Variants in AKAP10 observed in about 807,000 individuals in gnomAD.
The protein encoded by AKAP10 is A-kinase anchor protein 10, mitochondrial.
Under a neutral mutation model 80.8 loss-of-function variants are expected in AKAP10, and 24 were observed. The ratio of observed to expected loss-of-function variants is 0.30; its 90% CI spans 0.22 to 0.42. AKAP10 has a LOEUF of 0.42. Among genes scored for constraint, AKAP10 ranks in the 10% least tolerant of loss-of-function variants. AKAP10 has a pLI of 1.00. For synonymous variants in AKAP10, 291 were observed against 277.7 expected, an observed-to-expected ratio of 1.05 and a Z score of -0.48; for missense variants, 661 against 794.9, an observed-to-expected ratio of 0.83 and a Z score of 2.03.
chr17:19,946,259 ATATATATATATATATATTTT>A (rs2043122287), intron 5 of AKAP10, among the ~76,000 whole-genome samples: 2 of 23,932 alleles, frequency 8.4e-5, no homozygotes, highest in African/African-American at 3.5e-4. Flanking sequence ...ATATATATAT[ATATATATATATATATATTTT>A]TTTTTTTTTT....
At chr17:19,974,044 T>C (rs2043533056) in intron 1 of AKAP10, among the ~76,000 whole-genome samples, 1 of 151,976 alleles carries the variant, frequency 6.6e-6, no homozygotes. Flanking sequence ...CTCCAAAAAT[T>C]AGCTGGTCAT....
At chr17:19,932,923 A>G (rs994892550) in intron 9 of AKAP10, among the ~76,000 whole-genome samples, 1 of 152,172 alleles carries the variant, frequency 6.6e-6, no homozygotes, top group Non-Finnish European at 1.5e-5. Flanking sequence ...TCTACGAAGG[A>G]AAAGTTTGTA....
intron 3 of AKAP10, 149 bp from the exon 4 acceptor site, chr17:19,958,720 T>G (rs1036790270): frequency 1.1e-5 from 7 of 650,868 alleles, no homozygotes; most frequent in Admixed American, 1.0e-4. Context: ...AAACTACAAA[T>G]ACTATGCTTT....
chr17:19,977,797 C>T lies in AKAP10; in HGVS notation c.-118G>A, dbSNP rs1311255384. ...CGGGATGCCCAGGCAGCTCCAGCCG[C>T]CATATTATCAACAAGCCGCCCGCCC... On this transcript the variant is annotated 5_prime_UTR_variant, in exon 1 of 15. Coordinates refer to ENST00000225737, the MANE Select transcript of AKAP10 (RefSeq NM_007202.4). The T allele has an allele frequency of 7.1e-6, 4 of 561,092 alleles. No individual in the cohort carries two copies. Among genetic ancestry groups the T allele is most frequent in the Non-Finnish European group, 1.1e-5 (4 of 373,858 alleles). The allele number at this position is 561,092 out of a possible 1,614,324, so 34.8% of individuals were successfully genotyped here.
At chr17:19,935,227 T>C (rs559239269) in intron 9 of AKAP10, among the ~76,000 whole-genome samples, 2 of 152,292 alleles carry the variant, frequency 1.3e-5, no homozygotes, top group African/African-American at 4.8e-5. Flanking sequence ...TAAGAATTTG[T>C]GTATTTAAAC....
Position 19,931,913 on chromosome 17 carries a change from C to A in AKAP10, c.1533G>T (p.Ser511=), listed in dbSNP as rs763524206. The change falls in exon 10 of 15, where the codon TCG becomes TCT. Residue 511 remains serine, a synonymous_variant. Transcript: ENST00000225737. ...YYKYLNDLIH[S]VRGDEFLGGN... ...CGCCCAGAAATTCATCTCCTCGAAC[C>A]GAATGGATGAGATCATTCAAATATT... The A allele has an allele frequency of 6.2e-7, 1 of 1,613,828 alleles. No individual in the cohort carries two copies. The highest frequency in any genetic ancestry group is 8.5e-7 in the Non-Finnish European group (1 of 1,179,964).
intron 10 of AKAP10, among the ~76,000 whole-genome samples, chr17:19,931,000 T>G (rs2042926110): frequency 6.6e-6 from 1 of 152,046 alleles, no homozygotes; most frequent in South Asian, 2.1e-4. Flanking sequence ...TGAACCATCA[T>G]GCCTGGCCAA....
chr17:19,915,912 C>A (rs1274892227), intron 12 of AKAP10, among the ~76,000 whole-genome samples: 3 of 152,218 alleles, frequency 2.0e-5, no homozygotes, highest in African/African-American at 2.4e-5. Context: ...TAAATCCCAT[C>A]ATTTCCCTGC....
At chr17:19,933,033 T>C (rs1306548745) in intron 9 of AKAP10, among the ~76,000 whole-genome samples, 2 of 152,180 alleles carry the variant, frequency 1.3e-5, no homozygotes, top group Non-Finnish European at 2.9e-5. Flanking sequence ...TTTTTGTTTT[T>C]TTGAGACGTA....
chr17:19,975,304 C>G (rs2043550839), intron 1 of AKAP10, among the ~76,000 whole-genome samples: 2 of 152,226 alleles, frequency 1.3e-5, no homozygotes, highest in East Asian at 3.8e-4. Flanking sequence ...CAGATATGAA[C>G]CACCATGTTT....
At position 19,958,451 on chromosome 17, in the gene AKAP10, C is replaced by T. The variant is rs758418690; in HGVS notation, c.440G>A (p.Arg147Gln). Residue 147 changes from arginine to glutamine, a missense_variant, in exon 4 of 15, where the codon CGA (arginine) becomes CAA (glutamine). Coordinates refer to ENST00000225737, the MANE Select transcript of AKAP10 (RefSeq NM_007202.4). ...CCAAAATTTCACCAAATGCTCCATT[C>T]GCCGAAGTTCCATGAATTGAATGAA... ...PYFIQFMELR[R>Q]MEHLVKFWLE... The T allele has an allele frequency of 1.7e-5, 28 of 1,614,006 alleles. No homozygotes were observed. The highest frequency in any genetic ancestry group is 2.3e-5 in the Non-Finnish European group (27 of 1,180,052).
chr17:19,941,967 A>G, intron 5 of AKAP10, 57 bp from the exon 6 acceptor site: 1 of 1,504,490 alleles, frequency 6.6e-7, no homozygotes, highest in South Asian at 1.2e-5. Flanking sequence ...ATGTATACAC[A>G]CTTGTGAATC....
At chr17:19,949,243 C>T (rs2152416153) in intron 4 of AKAP10, among the ~76,000 whole-genome samples, 1 of 151,746 alleles carries the variant, frequency 6.6e-6, no homozygotes, top group Non-Finnish European at 1.5e-5. Flanking sequence ...AACTAAAAAA[C>T]ATAATAAACA....
In AKAP10 at chr17:19,940,929, A is replaced by G; in HGVS notation, c.1143T>C (p.Ala381=). The change falls in exon 7 of 15, where the codon GCT becomes GCC. Residue 381 remains alanine (A), a synonymous_variant. Transcript: ENST00000225737. ...GGGCTGACTCACAGAAGAGAATGTC[A>G]GCCAGGTAAACAGTTCCACTGGTCA... The part of the protein sequence containing the change: ...EVLTSGTVYL[A]DILFCESALF... The G allele has an allele frequency of 6.2e-7, 1 of 1,610,110 alleles. No individual in the cohort carries two copies. Among genetic ancestry groups the G allele is most frequent in the Non-Finnish European group, 8.5e-7 (1 of 1,179,000 alleles).
chr17:19,970,848 T>A (rs1382889826), intron 1 of AKAP10, among the ~76,000 whole-genome samples: 2 of 151,884 alleles, frequency 1.3e-5, no homozygotes, highest in Non-Finnish European at 2.9e-5. Context: ...AATAAATAAA[T>A]AAAGACATTT....
At chr17:19,944,467 C>T (rs745586162) in intron 5 of AKAP10, among the ~76,000 whole-genome samples, 4 of 151,908 alleles carry the variant, frequency 2.6e-5, no homozygotes, top group African/African-American at 9.7e-5. Context: ...CTGGCCAACA[C>T]GGTGAAACCC....
intron 9 of AKAP10, among the ~76,000 whole-genome samples, chr17:19,933,895 A>G (rs992192181): frequency 1.3e-5 from 2 of 152,138 alleles, no homozygotes; most frequent in African/African-American, 4.8e-5. Flanking sequence ...TCATTCACAA[A>G]CATCAATACT....
intron 10 of AKAP10, among the ~76,000 whole-genome samples, chr17:19,927,281 C>G (rs2042884859): frequency 6.6e-6 from 1 of 152,102 alleles, no homozygotes; most frequent in Non-Finnish European, 1.5e-5. Flanking sequence ...TGGCAGTGAG[C>G]TGTGATTGTG....
In AKAP10 at chr17:19,906,082, G is replaced by A; in HGVS notation, c.*145C>T. 1.2e-6 allele frequency: 1 copy of A among 841,102 alleles called. No homozygotes were observed. The highest frequency in any genetic ancestry group is 2.6e-5 in the East Asian group (1 of 38,322). 52.1% of individuals were successfully genotyped at this position (841,102 alleles called of 1,614,324 possible). On this transcript the variant is annotated 3_prime_UTR_variant, in exon 15 of 15. Transcript: ENST00000225737. ...GTAACTGCATTATGGTGGAAGTCTA[G>A]GATTGTCTCCCATTCTCTCCTGGAA...
Sources: gnomAD v4.1 joint callset for allele counts (sites outside exome capture counted in the v4.1 genomes callset) on GRCh38, gnomAD v4.1.1 for gene constraint, MANE v1.5 for transcripts, NCBI Gene and HGNC (gene_info 2026-07-23, HGNC 2026-07-21) for gene names.